Variants in CRYL1 observed in about 807,000 individuals in gnomAD.
CRYL1 encodes crystallin lambda 1.
CRYL1 carries 29 observed loss-of-function variants against 36.6 expected under a neutral mutation model. The ratio of observed to expected loss-of-function variants is 0.79; its 90% confidence interval spans 0.59 to 1.08. The LOEUF (loss-of-function observed/expected upper bound fraction) is 1.08. Among genes scored for constraint, CRYL1 ranks in the 50% least tolerant of loss-of-function variants. The probability of loss-of-function intolerance (pLI) is 0.00; values close to 1 mark genes in which losing one functional copy is unlikely to be tolerated. For missense variants in CRYL1, 411 were observed against 407.9 expected (o/e 1.01, Z -0.06); for synonymous variants, 152 against 151.5 (o/e 1.00, Z -0.02).
intron 4 of CRYL1, among the ~76,000 whole-genome samples, chr13:20,438,054 C>G (rs550368501): frequency 1.3e-5 from 2 of 152,312 alleles, no homozygotes; most frequent in East Asian, 3.9e-4. Context: ...GCTAATCTCA[C>G]TCGTAATTGA....
chr13:20,404,525 T>G (rs3737036), intron 7 of CRYL1, 110 bp downstream of exon 7: 1 of 726,488 alleles, frequency 1.4e-6, no homozygotes, highest in Non-Finnish European at 2.4e-6. Flanking sequence ...AGATCAAGGG[T>G]AAAGATTCCA....
At chr13:20,524,534 C>T (rs545554238) in intron 1 of CRYL1, among the ~76,000 whole-genome samples, 12 of 152,236 alleles carry the variant, frequency 7.9e-5, no homozygotes, top group African/African-American at 2.6e-4. Flanking sequence ...TGTGCCACTA[C>T]GCCCGGCTAA....
chr13:20,491,939 T>C (rs1227784820), intron 2 of CRYL1, among the ~76,000 whole-genome samples: 1 of 152,180 alleles, frequency 6.6e-6, no homozygotes, highest in Non-Finnish European at 1.5e-5. Context: ...AGATTTCTAA[T>C]AGCTAAATCA....
intron 1 of CRYL1, among the ~76,000 whole-genome samples, chr13:20,514,511 G>T (rs765319274): frequency 2.0e-5 from 3 of 152,188 alleles, no homozygotes; most frequent in Non-Finnish European, 4.4e-5. Flanking sequence ...CAGTTTAGAT[G>T]AGTCAAAAGA....
Position 20,403,939 on chromosome 13 carries a change from AG to A in CRYL1, c.*189del. 1 of 429,638 alleles carries A rather than the reference AG, an allele frequency of 2.3e-6. No homozygotes were observed. The highest frequency in any genetic ancestry group is 2.0e-5 in the African/African-American group (1 of 49,018). 26.6% of individuals were successfully genotyped at this position (429,638 alleles called of 1,614,324 possible). On this transcript the variant is annotated 3_prime_UTR_variant, in exon 8 of 8. Coordinates refer to ENST00000298248, the MANE Select transcript of CRYL1 (RefSeq NM_015974.3). ...AGAACGCAAGTGCTGCTGTGCCGCC[AG>A]GCCCAGGGCTATGATCCAAAGTGAC...
At chr13:20,488,189 A>G (rs942804462) in intron 3 of CRYL1, among the ~76,000 whole-genome samples, 5 of 151,984 alleles carry the variant, frequency 3.3e-5, no homozygotes, top group Admixed American at 2.6e-4. Context: ...TTCAGAAGCA[A>G]CTCTGCCAAG....
At position 20,525,840 on chromosome 13, in the gene CRYL1, G is replaced by C. The variant is rs1353745823; in HGVS notation, c.-46C>G. On this transcript the variant is annotated 5_prime_UTR_variant, in exon 1 of 8. Transcript: ENST00000298248. The surrounding 1 kb of genome is among the most constrained non-coding windows in gnomAD (Gnocchi z 4.3). ...GCCGCGGGCGCTGGGACCAGGCGCCGGCGGAGCTGCGAGCTCTGGGCTCCG... is the reference window on the plus strand; with the variant it reads ...GCCGCGGGCGCTGGGACCAGGCGCCCGCGGAGCTGCGAGCTCTGGGCTCCG... The C allele has an allele frequency of 2.6e-5, 31 of 1,211,010 alleles. No individual in the cohort carries two copies. Among genetic ancestry groups the C allele is most frequent in the East Asian group, 3.4e-5 (1 of 29,604 alleles). 75.0% of individuals were successfully genotyped at this position (1,211,010 alleles called of 1,614,324 possible). A position where few individuals can be genotyped will look rare whatever the true frequency, so the allele number is the denominator to read the frequency against.
At chr13:20,523,057 C>T (rs562169704) in intron 1 of CRYL1, among the ~76,000 whole-genome samples, 12 of 151,630 alleles carry the variant, frequency 7.9e-5, no homozygotes, top group African/African-American at 2.7e-4. Context: ...GCTGGGATTA[C>T]AGGCATGCAC....
At chr13:20,504,771 C>T (rs1213190614) in intron 2 of CRYL1, among the ~76,000 whole-genome samples, 2 of 152,134 alleles carry the variant, frequency 1.3e-5, no homozygotes, top group African/African-American at 4.8e-5. Flanking sequence ...TATTGTGCCA[C>T]CCTGTTAGAA....
intron 3 of CRYL1, chr13:20,472,979 C>G (rs527539577): frequency 7.9e-5 from 12 of 152,388 alleles, no homozygotes; most frequent in Admixed American, 3.3e-4. Context: ...TGGGCCTCTT[C>G]TTGCCATCGG....
chr13:20,523,089 G>A (rs879369047), intron 1 of CRYL1, among the ~76,000 whole-genome samples: 12 of 151,830 alleles, frequency 7.9e-5, no homozygotes, highest in Non-Finnish European at 1.3e-4. Flanking sequence ...GCTAATTTTT[G>A]TATTTTTAGT....
At chr13:20,439,514 C>CAAAAAAAAAAAAAAGA in intron 4 of CRYL1, 79 bp downstream of exon 4, 1 of 330,902 alleles carries the variant, frequency 3.0e-6, no homozygotes, top group African/African-American at 3.8e-5. Context: ...CCCTCCCCCG[C>CAAAAAAAAAAAAAAGA]AAAAAAAAAA....
chr13:20,463,450 A>G (rs557512117), intron 3 of CRYL1, among the ~76,000 whole-genome samples: 4 of 152,322 alleles, frequency 2.6e-5, no homozygotes, highest in African/African-American at 9.6e-5. Flanking sequence ...GTCACTCTAA[A>G]GGAAGCCAAC....
intron 3 of CRYL1, among the ~76,000 whole-genome samples, chr13:20,460,618 C>CG (rs1565971841): frequency 6.8e-6 from 1 of 146,796 alleles, no homozygotes; most frequent in African/African-American, 2.5e-5. Context: ...CTCCGCCACC[C>CG]GGGTTCACGC....
intron 2 of CRYL1, among the ~76,000 whole-genome samples, chr13:20,503,676 C>A (rs1389392398): frequency 1.3e-5 from 2 of 152,164 alleles, no homozygotes; most frequent in Admixed American, 6.5e-5. Flanking sequence ...GGAGTGCAGA[C>A]AGAGACGGGA....
chr13:20,518,734 G>A (rs1045130520), intron 1 of CRYL1, among the ~76,000 whole-genome samples: 8 of 152,304 alleles, frequency 5.3e-5, no homozygotes, highest in African/African-American at 1.9e-4. Context: ...TGCCCGATGC[G>A]ATGGGAGGCG....
At chr13:20,495,352 C>T (rs1479680494) in intron 2 of CRYL1, among the ~76,000 whole-genome samples, 2 of 152,046 alleles carry the variant, frequency 1.3e-5, no homozygotes, top group Admixed American at 6.6e-5. Context: ...AATACTGGCT[C>T]CTAACCAGTA....
At chr13:20,439,530 A>AT in intron 4 of CRYL1, 63 bp downstream of exon 4, 2 of 732,454 alleles carry the variant, frequency 2.7e-6, no homozygotes, top group Non-Finnish European at 1.9e-6. Flanking sequence ...AAAAAAAAAA[A>AT]GAAAAAAAAA....
chr13:20,419,952 G>A (rs1009288503), intron 5 of CRYL1, among the ~76,000 whole-genome samples: 4 of 152,230 alleles, frequency 2.6e-5, no homozygotes, highest in Admixed American at 2.6e-4. Context: ...AGAAGGTGAG[G>A]CCAAGATGAG....
Sources: gnomAD v4.1 joint callset for allele counts (sites outside exome capture counted in the v4.1 genomes callset) on GRCh38, gnomAD v4.1.1 for gene constraint, Gnocchi (gnomAD v3.1) non-coding constraint, MANE v1.5 for transcripts, NCBI Gene and HGNC (gene_info 2026-07-23, HGNC 2026-07-21) for gene names.